The following KCNQ5 variants were observed in gnomAD, a reference collection of about 807,000 sequenced individuals.
The protein encoded by KCNQ5 is potassium voltage-gated channel subfamily Q member 5, also known as potassium voltage-gated channel subfamily KQT member 5.
A neutral mutation model predicts 98.2 loss-of-function variants in KCNQ5; 30 were observed. The observed-to-expected ratio is 0.31, with a 90% CI of 0.23 to 0.41. The LOEUF is 0.41. Ranked by LOEUF, KCNQ5 falls within the 10% of genes least tolerant of loss-of-function variation. The pLI, the probability that KCNQ5 is intolerant of heterozygous loss-of-function variation, is 1.00. For synonymous variants in KCNQ5, 458 were observed against 449.4 expected (o/e 1.02, Z -0.24); for missense variants, 835 against 1,182.5 (o/e 0.71, Z 4.31).
At chr6:73,144,428 T>G (rs1337140451) in intron 10 of KCNQ5, among the ~76,000 whole-genome samples, 1 of 152,218 alleles carries the variant, frequency 6.6e-6, no homozygotes, top group African/African-American at 2.4e-5. Context: ...CATTTGCACA[T>G]GAAACCCTGA....
intron 3 of KCNQ5, among the ~76,000 whole-genome samples, chr6:73,075,513 G>A (rs570920181): frequency 1.8e-4 from 28 of 152,194 alleles, no homozygotes; most frequent in East Asian, 5.8e-4. Context: ...GAGCCACTGC[G>A]CCCAGCCTAG....
At chr6:73,141,482 C>G (rs554637314) in intron 10 of KCNQ5, among the ~76,000 whole-genome samples, 1 of 152,314 alleles carries the variant, frequency 6.6e-6, no homozygotes, top group South Asian at 2.1e-4. Context: ...TACTCTAATC[C>G]AAGTGCTCTT....
intron 1 of KCNQ5, among the ~76,000 whole-genome samples, chr6:72,916,355 T>G (rs999391236): frequency 6.6e-6 from 1 of 152,178 alleles, no homozygotes; most frequent in African/African-American, 2.4e-5. Context: ...TATTTACGAT[T>G]TAGTTGATAT....
At chr6:72,760,421 T>C (rs1019259240) in intron 1 of KCNQ5, among the ~76,000 whole-genome samples, 30 of 151,000 alleles carry the variant, frequency 2.0e-4, no homozygotes, top group Non-Finnish European at 4.4e-5. Flanking sequence ...AAGTTAAAGC[T>C]AATAGAATTG....
intron 1 of KCNQ5, among the ~76,000 whole-genome samples, chr6:72,685,096 G>GA (rs1767886037): frequency 6.6e-6 from 1 of 152,284 alleles, no homozygotes; most frequent in African/African-American, 2.4e-5. Flanking sequence ...GATGAAGAGA[G>GA]AGGGTGTAGG....
At chr6:72,671,341 G>A (rs931637880) in intron 1 of KCNQ5, among the ~76,000 whole-genome samples, 1 of 152,198 alleles carries the variant, frequency 6.6e-6, no homozygotes, top group Admixed American at 6.5e-5. Context: ...ATAGGGCTGT[G>A]TGGAAGGCGT....
intron 1 of KCNQ5, among the ~76,000 whole-genome samples, chr6:72,739,948 A>T (rs1389899334): frequency 2.0e-5 from 3 of 152,202 alleles, no homozygotes; most frequent in South Asian, 2.1e-4. Context: ...TCAGAGGCAC[A>T]TAAATTTATT....
intron 7 of KCNQ5, among the ~76,000 whole-genome samples, chr6:73,119,095 G>A (rs1582391843): frequency 6.9e-6 from 1 of 145,636 alleles, no homozygotes; most frequent in East Asian, 1.9e-4. Context: ...TAATAAAAAA[G>A]TTTTCTCTGA....
At chr6:72,953,149 C>T (rs901252824) in intron 1 of KCNQ5, among the ~76,000 whole-genome samples, 10 of 152,188 alleles carry the variant, frequency 6.6e-5, no homozygotes, top group African/African-American at 2.4e-4. Flanking sequence ...AGACTTGGTC[C>T]CTGCCCTCGT....
At chr6:72,889,875 T>C (rs1288419492) in intron 1 of KCNQ5, among the ~76,000 whole-genome samples, 5 of 152,194 alleles carry the variant, frequency 3.3e-5, no homozygotes, top group Non-Finnish European at 7.3e-5. Context: ...CCCCCAAGCC[T>C]TCTTGGACAT....
chr6:72,641,893 G>A (rs1334105464), intron 1 of KCNQ5, among the ~76,000 whole-genome samples: 1 of 151,730 alleles, frequency 6.6e-6, no homozygotes, highest in East Asian at 1.9e-4. Context: ...GAGGTGACTG[G>A]AGAAAATGAA....
At chr6:73,106,282 C>G (rs919664484) in intron 6 of KCNQ5, among the ~76,000 whole-genome samples, 2 of 152,078 alleles carry the variant, frequency 1.3e-5, no homozygotes, top group Non-Finnish European at 2.9e-5. Flanking sequence ...ATCGTTCTGC[C>G]CCAGAACACT....
intron 1 of KCNQ5, among the ~76,000 whole-genome samples, chr6:72,892,681 T>C (rs1268587319): frequency 6.6e-6 from 1 of 151,688 alleles, no homozygotes; most frequent in Non-Finnish European, 1.5e-5. Flanking sequence ...GCAATTTTTA[T>C]CATGAGTTTG....
At chr6:72,792,700 T>C (rs1250293171) in intron 1 of KCNQ5, among the ~76,000 whole-genome samples, 1 of 152,190 alleles carries the variant, frequency 6.6e-6, no homozygotes, top group Non-Finnish European at 1.5e-5. Flanking sequence ...CCAATTACTT[T>C]GGCAAAGGAG....
chr6:72,899,651 C>T (rs1383685018), intron 1 of KCNQ5, among the ~76,000 whole-genome samples: 1 of 151,906 alleles, frequency 6.6e-6, no homozygotes, highest in Non-Finnish European at 1.5e-5. Flanking sequence ...TTCGTCTTTT[C>T]TTTTTTTATT....
chr6:73,181,930 T>G (rs1778416484), intron 11 of KCNQ5, among the ~76,000 whole-genome samples: 1 of 152,230 alleles, frequency 6.6e-6, no homozygotes, highest in Non-Finnish European at 1.5e-5. Flanking sequence ...TATTATCATT[T>G]TAATCATTAA....
At chr6:73,028,124 T>C (rs1241677719) in intron 2 of KCNQ5, among the ~76,000 whole-genome samples, 1 of 152,124 alleles carries the variant, frequency 6.6e-6, no homozygotes, top group Non-Finnish European at 1.5e-5. Context: ...AACTCTTTAT[T>C]ATGGGGGAAA....
At position 72,681,797 on chromosome 6, in the gene KCNQ5, C is replaced by T. The variant is rs560058969; in HGVS notation, c.398+59210C>T. ...TCATGGGATAAACCTGTGAACCATT[C>T]CCTTTCAATATCTTCAGTGCCCCTT... On this transcript the variant is annotated intron_variant, in intron 1 of 13. Transcript: ENST00000370398. Among the ~76,000 whole-genome samples, 236 of 152,310 alleles carry T rather than the reference C, an allele frequency of 1.5e-3. 1 individual carries two copies. The highest frequency in any genetic ancestry group is 2.7e-3 in the South Asian group (13 of 4,828).
At chr6:73,004,428 T>C (rs1769727922) in intron 2 of KCNQ5, among the ~76,000 whole-genome samples, 1 of 152,192 alleles carries the variant, frequency 6.6e-6, no homozygotes, top group Non-Finnish European at 1.5e-5. Flanking sequence ...TATGAACATA[T>C]GGCACCTCAT....
Sources: allele counts gnomAD v4.1 joint callset (sites outside exome capture counted in the v4.1 genomes callset), GRCh38; gene constraint gnomAD v4.1.1; transcripts MANE v1.5; gene names NCBI Gene and HGNC (gene_info 2026-07-23, HGNC 2026-07-21).